The following WWOX variants were observed in gnomAD, a reference collection of about 807,000 sequenced individuals.
The protein encoded by WWOX is WW domain containing oxidoreductase.
Under a neutral mutation model 46.2 loss-of-function variants are expected in WWOX, and 69 were observed. The ratio of observed to expected loss-of-function variants is 1.49; its 90% confidence interval spans 1.23 to 1.82. The LOEUF (loss-of-function observed/expected upper bound fraction) is 1.82. WWOX is among the 40% of genes most tolerant of loss of function. The pLI is 0.00. For synonymous variants in WWOX, 359 were observed against 202.6 expected, an observed-to-expected ratio of 1.77 and a Z score of -6.56; for missense variants, 919 against 542.6, an observed-to-expected ratio of 1.69 and a Z score of -6.89.
At chr16:78,473,175 G>T (rs1284701237) in intron 8 of WWOX, among the ~76,000 whole-genome samples, 1 of 152,212 alleles carries the variant, frequency 6.6e-6, no homozygotes, top group Non-Finnish European at 1.5e-5. Context: ...TGTCACCCAG[G>T]CTAGAGTGCA....
At chr16:78,843,942 G>C (rs567021020) in intron 8 of WWOX, among the ~76,000 whole-genome samples, 153 of 152,234 alleles carry the variant, frequency 1.0e-3, no homozygotes, top group Non-Finnish European at 1.9e-3. Flanking sequence ...ACACCGAAAA[G>C]CGTAATTACA....
intron 5 of WWOX, among the ~76,000 whole-genome samples, chr16:78,312,200 A>G (rs2080258273): frequency 6.6e-6 from 1 of 152,046 alleles, no homozygotes; most frequent in Non-Finnish European, 1.5e-5. Flanking sequence ...ACCTAATTCT[A>G]TCTGCAACCT....
At chr16:78,472,467 T>C (rs2084247416) in intron 8 of WWOX, among the ~76,000 whole-genome samples, 1 of 152,196 alleles carries the variant, frequency 6.6e-6, no homozygotes, top group Admixed American at 6.5e-5. Flanking sequence ...TGCTTTTCTC[T>C]AAAGTATACT....
chr16:78,825,587 T>C (rs2051630201), intron 8 of WWOX: 1 of 533,772 alleles, frequency 1.9e-6, no homozygotes, highest in African/African-American at 1.9e-5. Flanking sequence ...CCAGGTCGAG[T>C]CTGCAGTACA....
intron 4 of WWOX, among the ~76,000 whole-genome samples, chr16:78,154,919 C>T (rs543867744): frequency 6.6e-6 from 1 of 152,122 alleles, no homozygotes; most frequent in African/African-American, 2.4e-5. Context: ...GTGCACTGAG[C>T]ATCAAGTGCC....
intron 8 of WWOX, among the ~76,000 whole-genome samples, chr16:79,051,989 C>G (rs2048175866): frequency 6.6e-6 from 1 of 151,918 alleles, no homozygotes; most frequent in Non-Finnish European, 1.5e-5. Context: ...TTACTTCGTC[C>G]TTCCTTTGTT....
intron 8 of WWOX, among the ~76,000 whole-genome samples, chr16:78,704,746 T>C (rs893134111): frequency 2.0e-5 from 3 of 152,184 alleles, no homozygotes; most frequent in African/African-American, 7.2e-5. Context: ...GGAAATGCTC[T>C]ATTATTTTCT....
chr16:79,068,931 A>T (rs1344924127), intron 8 of WWOX, among the ~76,000 whole-genome samples: 3 of 152,062 alleles, frequency 2.0e-5, no homozygotes, highest in East Asian at 1.9e-4. Flanking sequence ...GCCCACGCTT[A>T]ACCGATTCCC....
intron 8 of WWOX, among the ~76,000 whole-genome samples, chr16:78,727,809 CT>C (rs1012676590): frequency 1.3e-5 from 2 of 151,966 alleles, no homozygotes; most frequent in Non-Finnish European, 2.9e-5. Flanking sequence ...AGAGTGTGTC[CT>C]ACCTATGTGC....
At chr16:78,310,480 G>A (rs754482917) in intron 5 of WWOX, among the ~76,000 whole-genome samples, 2 of 152,216 alleles carry the variant, frequency 1.3e-5, no homozygotes, top group Admixed American at 1.3e-4. Context: ...TCACCAGATT[G>A]ATGCCTTTGG....
At chr16:79,095,174 G>T (rs2049043553) in intron 8 of WWOX, among the ~76,000 whole-genome samples, 1 of 152,150 alleles carries the variant, frequency 6.6e-6, no homozygotes, top group Admixed American at 6.5e-5. Context: ...GCTGGAGAAA[G>T]AGCTGCTGTC....
chr16:79,211,539 G>A, intron 8 of WWOX, 69 bp from the exon 9 acceptor site: 1 of 1,604,292 alleles, frequency 6.2e-7, no homozygotes, highest in African/African-American at 1.3e-5. Context: ...TGCCCAGGCA[G>A]TCGAAATGAC....
chr16:78,548,638 T>G (rs1057091606), intron 8 of WWOX, among the ~76,000 whole-genome samples: 4 of 152,226 alleles, frequency 2.6e-5, no homozygotes, highest in African/African-American at 9.6e-5. Flanking sequence ...ATTTTGCCTT[T>G]CATGCAGTAT....
intron 8 of WWOX, among the ~76,000 whole-genome samples, chr16:78,763,222 G>A (rs993099756): frequency 6.6e-6 from 1 of 152,216 alleles, no homozygotes; most frequent in Admixed American, 6.5e-5. Context: ...ATTACAAAGC[G>A]ATACTTTTCC....
chr16:78,859,122 GGCTCCTTGATGT>G (rs2052656607), intron 8 of WWOX, among the ~76,000 whole-genome samples: 1 of 143,698 alleles, frequency 7.0e-6, no homozygotes, highest in East Asian at 2.1e-4. Flanking sequence ...TCGATGAAGT[GGCTCCTTGATGT>G]TCTCGGGGTA....
At position 78,677,987 on chromosome 16, in the gene WWOX, C is replaced by A. The variant is rs202123611; in HGVS notation, c.1056+245235C>A. 1.2e-4 allele frequency among the ~76,000 whole-genome samples: 18 copies of A among 152,298 alleles called. No homozygotes were observed. In the East Asian group the frequency reaches 3.5e-3, roughly 29 times the overall value. On this transcript the variant is annotated intron_variant, in intron 8 of 8. Transcript: ENST00000566780. ...CATCCTTAGCCACTGTTTAAAATAGCAAATTTCTTTCCAAACTCTGCCGTC... is the reference window on the plus strand; with the variant it reads ...CATCCTTAGCCACTGTTTAAAATAGAAAATTTCTTTCCAAACTCTGCCGTC...
chr16:79,062,186 G>A (rs557320503), intron 8 of WWOX, among the ~76,000 whole-genome samples: 2 of 152,222 alleles, frequency 1.3e-5, no homozygotes, highest in Non-Finnish European at 2.9e-5. Context: ...TGGGGAGACT[G>A]GGGAGAGGGA....
At chr16:78,812,542 C>G (rs1455250810) in intron 8 of WWOX, among the ~76,000 whole-genome samples, 1 of 151,580 alleles carries the variant, frequency 6.6e-6, no homozygotes, top group Non-Finnish European at 1.5e-5. Context: ...GCCAACATGG[C>G]GAAACTCCTT....
intron 8 of WWOX, among the ~76,000 whole-genome samples, chr16:78,706,072 T>TTTA (rs2048322954): frequency 6.6e-6 from 1 of 150,860 alleles, no homozygotes; most frequent in African/African-American, 2.4e-5. Context: ...TTTTTTTTTT[T>TTTA]TTTTTTTGAC....
Sources: gnomAD v4.1 joint callset for allele counts (sites outside exome capture counted in the v4.1 genomes callset) on GRCh38, gnomAD v4.1.1 for gene constraint, MANE v1.5 for transcripts, NCBI Gene and HGNC (gene_info 2026-07-23, HGNC 2026-07-21) for gene names.